Variants in TENM2 observed in about 807,000 individuals in gnomAD.
TENM2 encodes teneurin-2.
In TENM2, 52 loss-of-function variants were observed where a neutral mutation model predicts 245.2. That is an observed-to-expected ratio of 0.21 (90% CI 0.17 to 0.27). TENM2 has a LOEUF of 0.27. TENM2 is among the 10% of genes least tolerant of loss of function. The pLI, the probability that TENM2 is intolerant of heterozygous loss-of-function variation, is 1.00. For missense variants in TENM2, 3,046 were observed against 3,666.8 expected (o/e 0.83, Z 4.37); for synonymous variants, 1,363 against 1,438.9 (o/e 0.95, Z 1.19).
At chr5:167,357,843 ACCT>A (rs1367708835) in intron 1 of TENM2, among the ~76,000 whole-genome samples, 2 of 151,966 alleles carry the variant, frequency 1.3e-5, no homozygotes, top group Admixed American at 6.6e-5. Context: ...AGCCTCCAGC[ACCT>A]CCTCCTCATC....
intron 2 of TENM2, among the ~76,000 whole-genome samples, chr5:167,511,764 C>T (rs1769971752): frequency 1.3e-5 from 2 of 152,106 alleles, no homozygotes; most frequent in Admixed American, 6.6e-5. Flanking sequence ...ATGTCAAGGG[C>T]ATAAAAATAA....
intron 9 of TENM2, among the ~76,000 whole-genome samples, chr5:168,117,508 A>G (rs1296031292): frequency 1.3e-5 from 2 of 152,262 alleles, no homozygotes; most frequent in African/African-American, 4.8e-5. Context: ...GTAAGAGATT[A>G]ACAATAATAA....
intron 2 of TENM2, among the ~76,000 whole-genome samples, chr5:167,674,863 T>C (rs761279285): frequency 6.6e-5 from 10 of 152,126 alleles, no homozygotes; most frequent in Non-Finnish European, 1.3e-4. Context: ...ATTGAAGCTT[T>C]TATAAATGTC....
chr5:167,017,748 A>G, the TENM2 span, among the ~76,000 whole-genome samples: 1 of 152,210 alleles, frequency 6.6e-6, no homozygotes, highest in African/African-American at 2.4e-5. Flanking sequence ...GTGAAATTAT[A>G]AAATTCATTC....
chr5:167,923,751 C>T (rs890971992), intron 3 of TENM2, among the ~76,000 whole-genome samples: 3 of 152,082 alleles, frequency 2.0e-5, no homozygotes, highest in African/African-American at 7.2e-5. Context: ...ATAGCTCCCT[C>T]CTGCACTTGA....
chr5:167,749,309 G>A (rs1361539454), intron 2 of TENM2, among the ~76,000 whole-genome samples: 2 of 152,074 alleles, frequency 1.3e-5, no homozygotes, highest in Non-Finnish European at 2.9e-5. Flanking sequence ...AATAAAAGAT[G>A]TTCATATATC....
intron 2 of TENM2, among the ~76,000 whole-genome samples, chr5:167,463,353 T>C (rs1766442909): frequency 6.6e-6 from 1 of 152,210 alleles, no homozygotes; most frequent in African/African-American, 2.4e-5. Context: ...CTTCGTCAGA[T>C]GGTTTGTGAC....
chr5:167,166,860 A>G, the TENM2 span, among the ~76,000 whole-genome samples: 1 of 152,106 alleles, frequency 6.6e-6, no homozygotes, highest in Admixed American at 6.6e-5. Flanking sequence ...CAGAGAATAG[A>G]TATTTCTCAG....
intron 9 of TENM2, among the ~76,000 whole-genome samples, chr5:168,102,174 A>T (rs1444958847): frequency 6.6e-6 from 1 of 152,106 alleles, no homozygotes; most frequent in African/African-American, 2.4e-5. Flanking sequence ...CCTGGGTTCA[A>T]GTGATTCACC....
intron 2 of TENM2, among the ~76,000 whole-genome samples, chr5:167,656,709 T>C (rs1329832781): frequency 6.6e-6 from 1 of 152,176 alleles, no homozygotes; most frequent in Non-Finnish European, 1.5e-5. Flanking sequence ...ACATATTTTA[T>C]ATTTACTCTG....
Position 167,635,633 on chromosome 5 carries a change from C to CTTTTTTTTTTTTTTTTT in TENM2, c.503-240340_503-240324dup, listed in dbSNP as rs76155764. 8.4e-4 allele frequency among the ~76,000 whole-genome samples: 63 copies of CTTTTTTTTTTTTTTTTT among 74,936 alleles called. 11 individuals are homozygous for CTTTTTTTTTTTTTTTTT. The East Asian group carries it at 9.4e-3, about 11-fold the overall frequency. The allele number at this position is 74,936 out of a possible 152,430, so 49.2% of individuals were successfully genotyped here. A position where few individuals can be genotyped will look rare whatever the true frequency, so the allele number is the denominator to read the frequency against. On this transcript the variant is annotated intron_variant, in intron 2 of 28. Coordinates refer to ENST00000518659, the Ensembl canonical transcript of TENM2. ...GGAATCTGGCTATGATCAGTACAGT[C>CTTTTTTTTTTTTTTTTT]TTTTTTTTTTTTTTTTTTTTTTTTT...
chr5:167,711,723 C>T (rs529428724), intron 2 of TENM2, among the ~76,000 whole-genome samples: 45 of 152,190 alleles, frequency 3.0e-4, no homozygotes, highest in African/African-American at 8.2e-4. Flanking sequence ...TTTTGCACTG[C>T]GCTCATCTCC....
chr5:167,378,297 G>T (rs1370307293), intron 2 of TENM2, among the ~76,000 whole-genome samples: 2 of 151,680 alleles, frequency 1.3e-5, no homozygotes, highest in African/African-American at 2.4e-5. Flanking sequence ...CTTCCTACAT[G>T]CTGCTGTGAC....
chr5:167,555,714 C>G (rs1773221748), intron 2 of TENM2, among the ~76,000 whole-genome samples: 2 of 152,090 alleles, frequency 1.3e-5, no homozygotes, highest in African/African-American at 4.8e-5. Context: ...ATAAATCCCT[C>G]CCTGACATGT....
intron 25 of TENM2, among the ~76,000 whole-genome samples, chr5:168,231,214 TAAG>T (rs59974097): frequency 0.028 from 4,255 of 152,130 alleles, 175 homozygotes; most frequent in African/African-American, 0.097. Flanking sequence ...TCTGAGTGCC[TAAG>T]AAGAAGAAGA....
chr5:167,293,399 T>C (rs933192163), intron 1 of TENM2, among the ~76,000 whole-genome samples: 32 of 149,754 alleles, frequency 2.1e-4, no homozygotes, highest in Non-Finnish European at 4.3e-4. Flanking sequence ...TTGTATTTTT[T>C]AGTAGAGACG....
chr5:167,807,239 TG>T (rs1766272319), intron 2 of TENM2, among the ~76,000 whole-genome samples: 1 of 149,150 alleles, frequency 6.7e-6, no homozygotes, highest in East Asian at 2.1e-4. Flanking sequence ...AAGACTTTTT[TG>T]GGGGGTAAGG....
chr5:168,182,812 C>T (rs1300935481), intron 13 of TENM2, among the ~76,000 whole-genome samples: 1 of 151,060 alleles, frequency 6.6e-6, no homozygotes, highest in Non-Finnish European at 1.5e-5. Flanking sequence ...CTGTTCCTCC[C>T]CTTCAGGGTG....
chr5:167,101,797 C>T, the TENM2 span, among the ~76,000 whole-genome samples: 1 of 137,728 alleles, frequency 7.3e-6, no homozygotes. Flanking sequence ...ATTCCAGATC[C>T]CAGACTTCTC....
Sources: gnomAD v4.1 joint callset for allele counts (sites outside exome capture counted in the v4.1 genomes callset) on GRCh38, gnomAD v4.1.1 for gene constraint, MANE v1.5 for transcripts, NCBI Gene and HGNC (gene_info 2026-07-23, HGNC 2026-07-21) for gene names.